The following OTUD7A variants were observed in gnomAD, a reference collection of about 807,000 sequenced individuals.
The protein encoded by OTUD7A is OTU domain-containing protein 7A.
OTUD7A carries 12 observed loss-of-function variants against 65.7 expected under a neutral mutation model. The ratio of observed to expected loss-of-function variants is 0.18; its 90% CI spans 0.12 to 0.30. OTUD7A has a LOEUF of 0.30. OTUD7A is among the 10% of genes least tolerant of loss of function. The pLI, the probability that OTUD7A is intolerant of heterozygous loss-of-function variation, is 1.00. For synonymous variants in OTUD7A, 641 were observed against 586.3 expected, an observed-to-expected ratio of 1.09 and a Z score of -1.35; for missense variants, 1,148 against 1,304.8, an observed-to-expected ratio of 0.88 and a Z score of 1.85.
Position 31,483,442 on chromosome 15 carries a change from C to A in OTUD7A, c.2654G>T (p.Cys885Phe). 7.2e-7 allele frequency: 1 copy of A among 1,383,932 alleles called. No individual in the cohort carries two copies. Among genetic ancestry groups the A allele is most frequent in the South Asian group, 1.4e-5 (1 of 69,982 alleles). The allele number at this position is 1,383,932 out of a possible 1,614,324, so 85.7% of individuals were successfully genotyped here. Residue 885 changes from cysteine to phenylalanine, a missense_variant, in exon 13 of 13, where the codon TGC becomes TTC. Physicochemically the swap from Cys to Phe is radical, Grantham distance 205. Around this residue, in one of 6 missense-constraint regions of OTUD7A, gnomAD observed 842 missense variants for 769.5 expected, o/e 1.09. Transcript: ENST00000307050. The stretch of plus-strand genomic sequence containing the variant: ...CACCGGCCCCGGGCCGCCACGGCCG[C>A]ACTCACCGTTCGAGCGCGCGGTCGG... ...DAPTARSNGE[C>F]GRGGPGPVQR...
chr15:31,755,019 G>C (rs1457829791), intron 1 of OTUD7A, among the ~76,000 whole-genome samples: 1 of 151,612 alleles, frequency 6.6e-6, no homozygotes, highest in Non-Finnish European at 1.5e-5. Context: ...GAGAGAGAGA[G>C]ATGGTGTGTG....
intron 5 of OTUD7A, among the ~76,000 whole-genome samples, chr15:31,554,010 T>C (rs556353134): frequency 6.6e-6 from 1 of 152,232 alleles, no homozygotes; most frequent in African/African-American, 2.4e-5. Context: ...TCTCCTGCCC[T>C]CCTTTCCAAA....
At chr15:31,752,673 C>A (rs1445384727) in intron 1 of OTUD7A, among the ~76,000 whole-genome samples, 1 of 151,970 alleles carries the variant, frequency 6.6e-6, no homozygotes, top group African/African-American at 2.4e-5. Context: ...AATATTACCG[C>A]CAATATTAAT....
At chr15:31,823,969 A>G (rs2140975594) in intron 1 of OTUD7A, among the ~76,000 whole-genome samples, 1 of 152,370 alleles carries the variant, frequency 6.6e-6, no homozygotes, top group African/African-American at 2.4e-5. Context: ...GGGTTATTTC[A>G]TTCATAATGC....
chr15:31,826,503 G>C (rs967444373), intron 1 of OTUD7A, among the ~76,000 whole-genome samples: 5 of 152,224 alleles, frequency 3.3e-5, no homozygotes, highest in Middle Eastern at 3.4e-3. Flanking sequence ...TTTTTCCCTT[G>C]GCCTCCAGGC....
intron 1 of OTUD7A, among the ~76,000 whole-genome samples, chr15:31,794,359 G>A (rs1895894803): frequency 6.6e-6 from 1 of 152,072 alleles, no homozygotes; most frequent in African/African-American, 2.4e-5. Context: ...TTACATTGAT[G>A]GTTATTTCTC....
At chr15:31,855,623 A>G (rs1051396182) in intron 1 of OTUD7A, among the ~76,000 whole-genome samples, 1 of 152,240 alleles carries the variant, frequency 6.6e-6, no homozygotes, top group East Asian at 1.9e-4. Flanking sequence ...CTGTGGAAAC[A>G]AGTTATCTAA....
intron 3 of OTUD7A, among the ~76,000 whole-genome samples, chr15:31,598,455 CTA>C (rs1264875617): frequency 1.3e-5 from 2 of 152,158 alleles, no homozygotes; most frequent in Non-Finnish European, 2.9e-5. Context: ...GCCTGAGGAA[CTA>C]TGCACACTCC....
At chr15:31,761,832 G>C (rs996351143) in intron 1 of OTUD7A, among the ~76,000 whole-genome samples, 3 of 152,136 alleles carry the variant, frequency 2.0e-5, no homozygotes, top group South Asian at 2.1e-4. Flanking sequence ...GCAATGAAAA[G>C]GAAGGAAGTA....
chr15:31,600,931 C>G (rs1471230015), intron 3 of OTUD7A, among the ~76,000 whole-genome samples: 1 of 152,132 alleles, frequency 6.6e-6, no homozygotes, highest in Non-Finnish European at 1.5e-5. Flanking sequence ...ATATATGCAC[C>G]TAATACAGGA....
intron 1 of OTUD7A, among the ~76,000 whole-genome samples, chr15:31,725,603 T>C (rs902523486): frequency 1.3e-5 from 2 of 152,240 alleles, no homozygotes; most frequent in Non-Finnish European, 2.9e-5. Context: ...GCATTAAAAC[T>C]GTTCACTAAT....
intron 8 of OTUD7A, among the ~76,000 whole-genome samples, chr15:31,513,714 T>C (rs1023645335): frequency 7.9e-5 from 12 of 152,172 alleles, no homozygotes; most frequent in African/African-American, 2.7e-4. Flanking sequence ...ACTGGTGAGG[T>C]TGTCCCATCA....
chr15:31,511,166 TAC>T (rs1385064938), intron 8 of OTUD7A, among the ~76,000 whole-genome samples: 1 of 6,254 alleles, frequency 1.6e-4, no homozygotes, highest in Non-Finnish European at 2.5e-4. Flanking sequence ...ATATGTAACA[TAC>T]ATATGTATAT....
At chr15:31,762,144 A>G (rs531263326) in intron 1 of OTUD7A, among the ~76,000 whole-genome samples, 1 of 152,340 alleles carries the variant, frequency 6.6e-6, no homozygotes, top group Admixed American at 6.5e-5. Flanking sequence ...ATGGTATGTG[A>G]ATTATATCTC....
intron 10 of OTUD7A, among the ~76,000 whole-genome samples, chr15:31,492,004 G>A (rs1206532582): frequency 2.0e-5 from 3 of 152,194 alleles, no homozygotes; most frequent in Non-Finnish European, 4.4e-5. Context: ...TACAGGAGAT[G>A]TTAAAGTGCA....
chr15:31,489,128 C>T (rs2041281728), intron 10 of OTUD7A, among the ~76,000 whole-genome samples: 1 of 149,404 alleles, frequency 6.7e-6, no homozygotes, highest in Non-Finnish European at 1.5e-5. Context: ...AGTCACTACA[C>T]AAACAGAGAA....
At chr15:31,809,183 T>G (rs779330172) in intron 1 of OTUD7A, among the ~76,000 whole-genome samples, 11 of 152,342 alleles carry the variant, frequency 7.2e-5, no homozygotes, top group Non-Finnish European at 1.5e-4. Context: ...GCATCCCTGG[T>G]GCTACTATTT....
At chr15:31,485,969 C>T (rs551249540) in intron 12 of OTUD7A, among the ~76,000 whole-genome samples, 24 of 152,262 alleles carry the variant, frequency 1.6e-4, no homozygotes, top group Admixed American at 4.6e-4. Flanking sequence ...CAGACTGGTG[C>T]GTGAGACACT....
At position 31,503,737 on chromosome 15, in the gene OTUD7A, G is replaced by T; in HGVS notation, c.975C>A (p.Pro325=). 1 of 1,614,140 alleles carries T rather than the reference G, an allele frequency of 6.2e-7. No individual in the cohort carries two copies. Among genetic ancestry groups the T allele is most frequent in the Non-Finnish European group, 8.5e-7 (1 of 1,180,008 alleles). ...ACATTGTATCTGCCACAACAACGAT[G>T]GGCCTTCTTAATATATGGGCTAGGA... is the stretch of plus-strand genomic sequence containing the variant. The part of the protein sequence containing the change: ...VFVLAHILRR[P]IVVVADTMLR... The change falls in exon 9 of 13, where the codon CCC becomes CCA. Residue 325 remains proline, a synonymous_variant. Transcript: ENST00000307050.
Sources: allele counts gnomAD v4.1 joint callset (sites outside exome capture counted in the v4.1 genomes callset), GRCh38; gene constraint gnomAD v4.1.1; regional missense constraint gnomAD v4.1.1; transcripts MANE v1.5; gene names NCBI Gene and HGNC (gene_info 2026-07-23, HGNC 2026-07-21).